The following MACROD2 variants were observed in gnomAD, a reference collection of about 807,000 sequenced individuals.
The protein encoded by MACROD2 is ADP-ribose glycohydrolase MACROD2.
MACROD2 carries 36 observed loss-of-function variants against 70.4 expected under a neutral mutation model. That is an observed-to-expected ratio of 0.51 (90% CI 0.39 to 0.68). MACROD2 has a LOEUF of 0.68. Among genes scored for constraint, MACROD2 ranks in the 30% least tolerant of loss-of-function variants. The probability of loss-of-function intolerance (pLI) is 0.00; values close to 1 mark genes in which losing one functional copy is unlikely to be tolerated. For synonymous variants in MACROD2, 172 were observed against 178.8 expected (o/e 0.96, Z 0.30); for missense variants, 496 against 538.4 (o/e 0.92, Z 0.78).
intron 5 of MACROD2, among the ~76,000 whole-genome samples, chr20:15,189,981 G>A (rs922011855): frequency 6.6e-6 from 1 of 152,066 alleles, no homozygotes; most frequent in Non-Finnish European, 1.5e-5. Context: ...ATACCCTGGG[G>A]CCTGAGATGA....
intron 6 of MACROD2, among the ~76,000 whole-genome samples, chr20:15,427,248 C>A (rs967706593): frequency 3.3e-5 from 5 of 152,192 alleles, no homozygotes; most frequent in Non-Finnish European, 7.3e-5. Context: ...ATGTCATTTC[C>A]AGATGAAACT....
chr20:16,039,106 G>A (rs2067273811), intron 15 of MACROD2, among the ~76,000 whole-genome samples: 1 of 151,868 alleles, frequency 6.6e-6, no homozygotes, highest in Non-Finnish European at 1.5e-5. Flanking sequence ...TGACACATGT[G>A]CAATGTCAGC....
chr20:14,916,290 G>A (rs2074090749), intron 5 of MACROD2, among the ~76,000 whole-genome samples: 1 of 152,090 alleles, frequency 6.6e-6, no homozygotes, highest in Admixed American at 6.5e-5. Flanking sequence ...TAGAATACAA[G>A]TCCTGACAAA....
At chr20:15,133,641 A>C (rs2076123088) in intron 5 of MACROD2, among the ~76,000 whole-genome samples, 1 of 152,086 alleles carries the variant, frequency 6.6e-6, no homozygotes, top group Non-Finnish European at 1.5e-5. Flanking sequence ...TTTGACCAAA[A>C]ATGTTTTCAC....
chr20:14,785,199 G>A (rs954631974), intron 5 of MACROD2, among the ~76,000 whole-genome samples: 10 of 151,312 alleles, frequency 6.6e-5, no homozygotes, highest in East Asian at 1.9e-4. Context: ...ACACACACAC[G>A]CATGCACACA....
chr20:14,653,366 C>T, intron 4 of MACROD2, among the ~76,000 whole-genome samples: 1 of 151,866 alleles, frequency 6.6e-6, no homozygotes, highest in East Asian at 1.9e-4. Context: ...CTACAGGCGC[C>T]CGCCACCAAG....
At chr20:14,978,911 TATAATATATATC>T (rs1443648483) in intron 5 of MACROD2, among the ~76,000 whole-genome samples, 72 of 134,968 alleles carry the variant, frequency 5.3e-4, no homozygotes, top group African/African-American at 2.0e-3. Context: ...ATATATTATA[TATAATATATATC>T]ATAATATATA....
intron 6 of MACROD2, among the ~76,000 whole-genome samples, chr20:15,311,262 T>A: frequency 6.6e-6 from 1 of 152,162 alleles, no homozygotes; most frequent in East Asian, 1.9e-4. Context: ...TAATGTTTGA[T>A]AGCAAAAACA....
Position 15,690,432 on chromosome 20 carries a change from A to G in MACROD2, c.646-172313A>G, listed in dbSNP as rs569483149. The stretch of plus-strand genomic sequence containing the variant: ...TTAAAGTTCCATTTTAGTCATGCCA[A>G]GTATGGGATATCTCTAATCTGACTA... On this transcript the variant is annotated intron_variant, in intron 8 of 17. Transcript: ENST00000684519. 3.9e-5 allele frequency among the ~76,000 whole-genome samples: 6 copies of G among 152,328 alleles called. No homozygotes were observed. In the East Asian group the frequency reaches 1.2e-3, roughly 29 times the overall value.
intron 8 of MACROD2, among the ~76,000 whole-genome samples, chr20:15,754,622 T>A (rs1011138383): frequency 2.0e-5 from 3 of 148,812 alleles, no homozygotes; most frequent in African/African-American, 7.5e-5. Flanking sequence ...CAAGACTCTG[T>A]CTCTAAAAAA....
chr20:15,962,823 C>G (rs1004458864), intron 12 of MACROD2, among the ~76,000 whole-genome samples: 1 of 152,178 alleles, frequency 6.6e-6, no homozygotes, highest in Admixed American at 6.5e-5. Context: ...GAGCAATGTC[C>G]TGTCTGTGGG....
intron 4 of MACROD2, among the ~76,000 whole-genome samples, chr20:14,542,609 G>A (rs985959466): frequency 2.0e-5 from 3 of 152,114 alleles, no homozygotes; most frequent in African/African-American, 7.2e-5. Context: ...TCATATGCAT[G>A]CAAAAGTATT....
chr20:14,964,667 A>G (rs565551354), intron 5 of MACROD2, among the ~76,000 whole-genome samples: 1 of 152,328 alleles, frequency 6.6e-6, no homozygotes, highest in South Asian at 2.1e-4. Flanking sequence ...TTATAAAATT[A>G]ATAGTAATAA....
chr20:15,039,460 AAGG>A (rs1433534033), intron 5 of MACROD2, among the ~76,000 whole-genome samples: 1 of 152,164 alleles, frequency 6.6e-6, no homozygotes, highest in Non-Finnish European at 1.5e-5. Flanking sequence ...GAATGGGAGA[AAGG>A]AGGGCAAAGG....
At chr20:15,318,554 A>G (rs1483913318) in intron 6 of MACROD2, among the ~76,000 whole-genome samples, 1 of 152,156 alleles carries the variant, frequency 6.6e-6, no homozygotes, top group Non-Finnish European at 1.5e-5. Flanking sequence ...CCTTATGATT[A>G]TAGATGAAGA....
intron 4 of MACROD2, among the ~76,000 whole-genome samples, chr20:14,530,467 G>A (rs1009651258): frequency 6.6e-6 from 1 of 152,174 alleles, no homozygotes; most frequent in Non-Finnish European, 1.5e-5. Context: ...CTAAAGCTGT[G>A]TGATTTATGT....
At chr20:15,042,337 G>A (rs1428462036) in intron 5 of MACROD2, among the ~76,000 whole-genome samples, 4 of 152,196 alleles carry the variant, frequency 2.6e-5, no homozygotes, top group Admixed American at 2.6e-4. Flanking sequence ...GGTGGAATCT[G>A]TGTGGAAGAA....
chr20:15,245,485 A>G (rs80156238), intron 6 of MACROD2, among the ~76,000 whole-genome samples: 123 of 152,300 alleles, frequency 8.1e-4, no homozygotes, highest in African/African-American at 2.8e-3. Context: ...AACTTTTCCA[A>G]TTTTGACAAA....
chr20:14,147,489 A>G (rs1232782771), intron 3 of MACROD2, among the ~76,000 whole-genome samples: 33 of 152,208 alleles, frequency 2.2e-4, no homozygotes. Flanking sequence ...TATTTAAATT[A>G]TACTCTAGTT....
Sources: allele counts gnomAD v4.1 joint callset (sites outside exome capture counted in the v4.1 genomes callset), GRCh38; gene constraint gnomAD v4.1.1; transcripts MANE v1.5; gene names NCBI Gene and HGNC (gene_info 2026-07-23, HGNC 2026-07-21).